Variants in AFG2A observed in about 807,000 individuals in gnomAD.
AFG2A encodes the protein ATPase family gene 2 protein homolog A.
At chr4:123,124,428 A>G in the AFG2A span, among the ~76,000 whole-genome samples, 1 of 152,206 alleles carries the variant, frequency 6.6e-6, no homozygotes, top group Non-Finnish European at 1.5e-5. Flanking sequence ...CATAGGTGGG[A>G]ATTGAACAAT....
At chr4:123,276,428 G>A in the AFG2A span, among the ~76,000 whole-genome samples, 15 of 152,196 alleles carry the variant, frequency 9.9e-5, no homozygotes, top group African/African-American at 3.6e-4. Flanking sequence ...CCATTCTGTA[G>A]ATAATCTGTT....
the AFG2A span, among the ~76,000 whole-genome samples, chr4:122,992,736 C>G: frequency 6.6e-6 from 1 of 151,894 alleles, no homozygotes; most frequent in African/African-American, 2.4e-5. Flanking sequence ...TAATACATTA[C>G]TAATTTTAGG....
chr4:123,172,527 C>T, the AFG2A span, among the ~76,000 whole-genome samples: 290 of 152,206 alleles, frequency 1.9e-3, 1 homozygote, highest in Middle Eastern at 0.014. Flanking sequence ...CACTATCTTC[C>T]TATAATCTAT....
At chr4:123,175,935 G>A in the AFG2A span, among the ~76,000 whole-genome samples, 3 of 152,320 alleles carry the variant, frequency 2.0e-5, no homozygotes, top group East Asian at 5.8e-4. Context: ...TGCAGAACTG[G>A]GGGTGTCTTA....
At chr4:123,206,472 T>G in the AFG2A span, among the ~76,000 whole-genome samples, 1 of 152,328 alleles carries the variant, frequency 6.6e-6, no homozygotes, top group South Asian at 2.1e-4. Context: ...CTCTGTGTTC[T>G]TATTTAATTC....
At chr4:123,212,137 T>G in the AFG2A span, among the ~76,000 whole-genome samples, 3 of 152,180 alleles carry the variant, frequency 2.0e-5, no homozygotes, top group Non-Finnish European at 2.9e-5. Context: ...TGTAGATTAT[T>G]TTTGCCTCAT....
chr4:123,297,375 T>C, the AFG2A span, among the ~76,000 whole-genome samples: 20 of 152,156 alleles, frequency 1.3e-4, no homozygotes, highest in African/African-American at 4.3e-4. Flanking sequence ...AGAAATCAGT[T>C]GTATAGCCCA....
chr4:123,193,085 G>A, the AFG2A span, among the ~76,000 whole-genome samples: 117 of 152,282 alleles, frequency 7.7e-4, 1 homozygote, highest in African/African-American at 2.6e-3. Flanking sequence ...GTATCTGAGA[G>A]TTCTTAGAAA....
At chr4:123,106,296 G>A in the AFG2A span, among the ~76,000 whole-genome samples, 1 of 152,242 alleles carries the variant, frequency 6.6e-6, no homozygotes, top group African/African-American at 2.4e-5. Flanking sequence ...ATCATATACT[G>A]TAAACATAGC....
At chr4:123,026,029 C>G in the AFG2A span, among the ~76,000 whole-genome samples, 1 of 151,968 alleles carries the variant, frequency 6.6e-6, no homozygotes, top group Admixed American at 6.6e-5. Context: ...AATCCTTTCA[C>G]GTTTTTCCCA....
At chr4:123,220,936 A>G in the AFG2A span, among the ~76,000 whole-genome samples, 1 of 152,324 alleles carries the variant, frequency 6.6e-6, no homozygotes, top group East Asian at 1.9e-4. Flanking sequence ...CATGAACGAC[A>G]TAGGACATTT....
At chr4:123,207,786 C>G in the AFG2A span, among the ~76,000 whole-genome samples, 2 of 152,132 alleles carry the variant, frequency 1.3e-5, no homozygotes, top group African/African-American at 2.4e-5. Flanking sequence ...TTAAGAAAAT[C>G]TAAATAAATG....
the AFG2A span, among the ~76,000 whole-genome samples, chr4:123,001,832 G>T: frequency 2.6e-5 from 4 of 151,562 alleles, no homozygotes; most frequent in African/African-American, 9.6e-5. Context: ...GCTTGGTGCA[G>T]AGCTGAGTTC....
the AFG2A span, among the ~76,000 whole-genome samples, chr4:123,238,134 G>A: frequency 9.2e-5 from 14 of 152,310 alleles, no homozygotes; most frequent in South Asian, 6.2e-4. Context: ...AGGGGCATCC[G>A]CCATTGCTGA....
At chr4:122,941,858 G>C in the AFG2A span, among the ~76,000 whole-genome samples, 1 of 151,604 alleles carries the variant, frequency 6.6e-6, no homozygotes, top group Non-Finnish European at 1.5e-5. Flanking sequence ...GTTGAATTTT[G>C]TCAAAGGCCT....
the AFG2A span, among the ~76,000 whole-genome samples, chr4:123,043,605 TG>T: frequency 6.6e-6 from 1 of 152,224 alleles, no homozygotes; most frequent in Non-Finnish European, 1.5e-5. Flanking sequence ...CTGAGTGTCC[TG>T]GGAAATTAAT....
chr4:123,252,514 A>G, the AFG2A span, among the ~76,000 whole-genome samples: 1 of 152,204 alleles, frequency 6.6e-6, no homozygotes, highest in Non-Finnish European at 1.5e-5. Context: ...CAAAGAAGAT[A>G]ATCTTTCCAG....
At chr4:123,039,938 A>T in the AFG2A span, among the ~76,000 whole-genome samples, 1,845 of 152,204 alleles carry the variant, frequency 0.012, 42 homozygotes, top group African/African-American at 0.041. Flanking sequence ...CTAGCCCTTC[A>T]TTCACACACT....
chr4:123,267,610 C>T, the AFG2A span, among the ~76,000 whole-genome samples: 1 of 151,956 alleles, frequency 6.6e-6, no homozygotes, highest in Non-Finnish European at 1.5e-5. Flanking sequence ...TTGAAAGAAT[C>T]CTTAAGGAGC....
Sources: gnomAD v4.1 joint callset for allele counts (sites outside exome capture counted in the v4.1 genomes callset) on GRCh38, gnomAD v4.1.1 for gene constraint, MANE v1.5 for transcripts, NCBI Gene and HGNC (gene_info 2026-07-23, HGNC 2026-07-21) for gene names.